The following PTPRQ variants were observed in gnomAD, a reference collection of about 807,000 sequenced individuals.
PTPRQ encodes the protein protein tyrosine phosphatase receptor type Q, also known as phosphatidylinositol phosphatase PTPRQ.
PTPRQ carries 199 observed loss-of-function variants against 246.0 expected under a neutral mutation model. That is an observed-to-expected ratio of 0.81 (90% CI 0.72 to 0.91). The LOEUF is 0.91. PTPRQ is among the 40% of genes least tolerant of loss of function. The probability of loss-of-function intolerance (pLI) is 0.00; values close to 1 mark genes in which losing one functional copy is unlikely to be tolerated. For missense variants in PTPRQ, 2,624 were observed against 2,528.4 expected, an observed-to-expected ratio of 1.04 and a Z score of -0.81; for synonymous variants, 869 against 853.2, an observed-to-expected ratio of 1.02 and a Z score of -0.32.
intron 26 of PTPRQ, among the ~76,000 whole-genome samples, chr12:80,596,475 G>C (rs1388114581): frequency 6.6e-6 from 1 of 151,614 alleles, no homozygotes; most frequent in African/African-American, 2.4e-5. Flanking sequence ...AAAGGAAAAA[G>C]GGGAGGAAAT....
At chr12:80,622,205 TATTAA>T in intron 33 of PTPRQ, 71 bp downstream of exon 33, 34 of 1,108,956 alleles carry the variant, frequency 3.1e-5, no homozygotes, top group Non-Finnish European at 3.9e-5. Context: ...TTAGTAAATG[TATTAA>T]TCCATGTCTA....
At chr12:80,673,514 T>C (rs923436070) in intron 43 of PTPRQ, among the ~76,000 whole-genome samples, 1 of 152,102 alleles carries the variant, frequency 6.6e-6, no homozygotes, top group African/African-American at 2.4e-5. Flanking sequence ...TGCAGCATTG[T>C]TACTGATGGC....
Position 80,597,993 on chromosome 12 carries a change from A to G in PTPRQ, c.4610-7066A>G, listed in dbSNP as rs140464539. Among the ~76,000 whole-genome samples, 642 of 152,120 alleles carry G rather than the reference A, an allele frequency of 4.2e-3. 3 individuals carry two copies. The highest frequency in any genetic ancestry group is 7.5e-3 in the Non-Finnish European group (509 of 67,960). On this transcript the variant is annotated intron_variant, in intron 26 of 44. Coordinates refer to ENST00000644991, the MANE Select transcript of PTPRQ (RefSeq NM_001145026.2). ...TTCATTCTTACCTGGCATGTCCAGTATTGAAACTGAGAGGTTTTCTTTCTA... is the reference window on the plus strand; with the variant it reads ...TTCATTCTTACCTGGCATGTCCAGTGTTGAAACTGAGAGGTTTTCTTTCTA...
chr12:80,498,762 C>T (rs2120667824), intron 14 of PTPRQ, among the ~76,000 whole-genome samples: 1 of 152,132 alleles, frequency 6.6e-6, no homozygotes, highest in Middle Eastern at 3.4e-3. Flanking sequence ...GAAATAATAA[C>T]CATTTTTATG....
At chr12:80,566,565 A>C (rs1374095433) in intron 25 of PTPRQ, among the ~76,000 whole-genome samples, 1 of 152,188 alleles carries the variant, frequency 6.6e-6, no homozygotes, top group African/African-American at 2.4e-5. Context: ...TTGAGACAGG[A>C]TCTCACTCTG....
At chr12:80,582,292 G>C (rs1365490066) in intron 25 of PTPRQ, among the ~76,000 whole-genome samples, 1 of 152,108 alleles carries the variant, frequency 6.6e-6, no homozygotes, top group Non-Finnish European at 1.5e-5. Flanking sequence ...GTTTATGCTT[G>C]CTGTGCTGGC....
At chr12:80,445,770 AAGTGTGGG>A in intron 3 of PTPRQ, 53 bp downstream of exon 3, 1 of 1,273,652 alleles carries the variant, frequency 7.9e-7, no homozygotes, top group Non-Finnish European at 1.1e-6. Flanking sequence ...TTCATTTTAA[AAGTGTGGG>A]AGGTTTTTCT....
intron 6 of PTPRQ, among the ~76,000 whole-genome samples, chr12:80,461,728 G>GT (rs150327117): frequency 0.19 from 27,824 of 150,322 alleles, 2,761 homozygotes; most frequent in Non-Finnish European, 0.22. Flanking sequence ...ACTAAAGCAT[G>GT]TTTTTTCTGA....
intron 17 of PTPRQ, chr12:80,526,125 GC>G (rs1448359591): frequency 1.3e-5 from 2 of 152,082 alleles, no homozygotes; most frequent in Non-Finnish European, 2.9e-5. Flanking sequence ...ACAGTTCTAT[GC>G]CCCATCCTAT....
intron 8 of PTPRQ, among the ~76,000 whole-genome samples, chr12:80,472,658 T>C (rs1893677781): frequency 6.6e-6 from 1 of 152,242 alleles, no homozygotes; most frequent in African/African-American, 2.4e-5. Context: ...CAAAATATGT[T>C]TATAATCAAA....
chr12:80,669,275 T>G (rs1018903600), intron 40 of PTPRQ, 64 bp from the exon 41 acceptor site: 2 of 1,533,058 alleles, frequency 1.3e-6, no homozygotes, highest in African/African-American at 1.4e-5. Context: ...TCGTAATAAC[T>G]GTGGTATACA....
chr12:80,597,914 T>C (rs570600842), intron 26 of PTPRQ, among the ~76,000 whole-genome samples: 131 of 152,120 alleles, frequency 8.6e-4, no homozygotes, highest in Middle Eastern at 3.4e-3. Flanking sequence ...ATGATGCTAT[T>C]CTCAGAAAAT....
chr12:80,672,728 T>A (rs887952056), intron 42 of PTPRQ, among the ~76,000 whole-genome samples: 1 of 152,078 alleles, frequency 6.6e-6, no homozygotes, highest in African/African-American at 2.4e-5. Flanking sequence ...AAAGGACAAT[T>A]GCAACACTAT....
In PTPRQ at chr12:80,496,068, CTGAAGAAAA is replaced by C. The variant is rs1237649202; in HGVS notation, c.1956_1964del (p.Glu652_Asn654del). 9 of 1,549,326 alleles carry C rather than the reference CTGAAGAAAA, an allele frequency of 5.8e-6. No homozygotes were observed. In the South Asian group the frequency reaches 1.1e-4, roughly 19 times the overall value. On this transcript the variant is annotated inframe_deletion, in exon 13 of 45. Transcript: ENST00000644991. ...ACCCACGTTGGAGAAAGTTCTTTGT[CTGAAGAAAA>C]TGACATCTTTGTGAGAACTTCAGAA...
At chr12:80,480,869 G>A (rs1894021090) in intron 8 of PTPRQ, among the ~76,000 whole-genome samples, 1 of 152,200 alleles carries the variant, frequency 6.6e-6, no homozygotes, top group South Asian at 2.1e-4. Context: ...CTCTGAAATT[G>A]TGGCAATAAG....
intron 8 of PTPRQ, among the ~76,000 whole-genome samples, chr12:80,481,863 A>G (rs1006909772): frequency 4.1e-4 from 62 of 151,988 alleles, no homozygotes; most frequent in Non-Finnish European, 5.6e-4. Context: ...CCGCTGCTCA[A>G]TGAAATAAAA....
rs545016357 is a variant in PTPRQ, at chr12:80,466,579, A to G, written c.911-2131A>G. ...TCCTAAGCCAAAAGAACAAAGCTGG[A>G]GGCATCACACTACCTGACTTTAAAC... On this transcript the variant is annotated intron_variant, in intron 6 of 44. Transcript: ENST00000644991. Among the ~76,000 whole-genome samples, 4 of 152,340 alleles carry G rather than the reference A, an allele frequency of 2.6e-5. No homozygotes were observed. The East Asian group carries it at 5.8e-4, about 22-fold the overall frequency.
chr12:80,604,308 T>C (rs1898239535), intron 26 of PTPRQ, among the ~76,000 whole-genome samples: 1 of 151,590 alleles, frequency 6.6e-6, no homozygotes, highest in East Asian at 1.9e-4. Context: ...TGGCTAAATC[T>C]TTCCCTGCAT....
At chr12:80,605,215 T>A (rs553280242) in intron 27 of PTPRQ, 35 bp downstream of exon 27, 11 of 1,529,694 alleles carry the variant, frequency 7.2e-6, no homozygotes, top group Middle Eastern at 1.7e-4. Context: ...AAAGCCAGTA[T>A]AAAATGGTTA....
Sources: gnomAD v4.1 joint callset for allele counts (sites outside exome capture counted in the v4.1 genomes callset) on GRCh38, gnomAD v4.1.1 for gene constraint, MANE v1.5 for transcripts, NCBI Gene and HGNC (gene_info 2026-07-23, HGNC 2026-07-21) for gene names.